Variants in CSMD1 observed in about 807,000 individuals in gnomAD.
The protein encoded by CSMD1 is CUB and sushi domain-containing protein 1.
In CSMD1, 213 loss-of-function variants were observed where a neutral mutation model predicts 417.5. The observed-to-expected ratio is 0.51, with a 90% confidence interval of 0.46 to 0.57. The LOEUF (loss-of-function observed/expected upper bound fraction) is 0.57. CSMD1 is among the 20% of genes least tolerant of loss of function. The pLI is 0.00. For missense variants in CSMD1, 6,923 were observed against 4,529.7 expected (o/e 1.53, Z -15.17); for synonymous variants, 2,862 against 1,736.8 (o/e 1.65, Z -16.11).
chr8:4,080,430 C>T (rs189727950), intron 3 of CSMD1, among the ~76,000 whole-genome samples: 30 of 152,302 alleles, frequency 2.0e-4, no homozygotes, highest in African/African-American at 6.5e-4. Context: ...CATGCCATTA[C>T]ATACATTATC....
At chr8:4,898,518 A>G (rs1804653620) in intron 1 of CSMD1, among the ~76,000 whole-genome samples, 1 of 152,216 alleles carries the variant, frequency 6.6e-6, no homozygotes, top group Non-Finnish European at 1.5e-5. Context: ...CAGAAGGACA[A>G]TAAAACAGGT....
intron 3 of CSMD1, among the ~76,000 whole-genome samples, chr8:4,232,656 T>A (rs1653695919): frequency 6.6e-6 from 1 of 152,116 alleles, no homozygotes; most frequent in Admixed American, 6.6e-5. Context: ...AAATCTTACT[T>A]TCTTAACTAA....
chr8:4,261,301 C>T (rs1051627894), intron 3 of CSMD1, among the ~76,000 whole-genome samples: 1 of 152,020 alleles, frequency 6.6e-6, no homozygotes, highest in African/African-American at 2.4e-5. Context: ...GTGAAATAAC[C>T]CAGGCATAGA....
chr8:3,681,966 G>A (rs978087072), intron 7 of CSMD1, among the ~76,000 whole-genome samples: 6 of 152,164 alleles, frequency 3.9e-5, no homozygotes, highest in African/African-American at 1.2e-4. Flanking sequence ...AACAAATGGT[G>A]CTGGGAAAAC....
chr8:4,446,461 T>C (rs890505312), intron 2 of CSMD1, among the ~76,000 whole-genome samples: 3 of 151,942 alleles, frequency 2.0e-5, no homozygotes, highest in African/African-American at 7.3e-5. Flanking sequence ...GGTGGGACGA[T>C]CACCGAACTT....
At chr8:4,454,172 T>C (rs561037952) in intron 2 of CSMD1, among the ~76,000 whole-genome samples, 2 of 152,136 alleles carry the variant, frequency 1.3e-5, no homozygotes, top group South Asian at 2.1e-4. Flanking sequence ...CAGCCTATTA[T>C]CAGTTCCTAC....
chr8:3,433,789 C>G (rs908014711), intron 12 of CSMD1, among the ~76,000 whole-genome samples: 31 of 152,346 alleles, frequency 2.0e-4, no homozygotes, highest in Non-Finnish European at 4.6e-4. Context: ...AGAGCAGATT[C>G]ACCAGTGCAC....
At chr8:4,026,070 T>C (rs1373185864) in intron 4 of CSMD1, among the ~76,000 whole-genome samples, 1 of 152,102 alleles carries the variant, frequency 6.6e-6, no homozygotes, top group African/African-American at 2.4e-5. Flanking sequence ...AATAGAACTT[T>C]GGGGAAGCAG....
intron 7 of CSMD1, among the ~76,000 whole-genome samples, chr8:3,696,189 T>A (rs1007552556): frequency 9.2e-5 from 14 of 152,224 alleles, no homozygotes; most frequent in Non-Finnish European, 1.6e-4. Context: ...GTTGATGTTA[T>A]TCCATATGCC....
chr8:3,355,498 A>G (rs1270381793), intron 21 of CSMD1, among the ~76,000 whole-genome samples: 2 of 152,194 alleles, frequency 1.3e-5, no homozygotes, highest in African/African-American at 2.4e-5. Context: ...CCTGGCCACA[A>G]TGACTGCTCA....
At chr8:4,741,222 A>T (rs1462319644) in intron 1 of CSMD1, among the ~76,000 whole-genome samples, 1 of 152,192 alleles carries the variant, frequency 6.6e-6, no homozygotes, top group Non-Finnish European at 1.5e-5. Flanking sequence ...CCACACGTGC[A>T]GTTCACTTAA....
chr8:3,296,473 A>C (rs1023913958), intron 25 of CSMD1, among the ~76,000 whole-genome samples: 1 of 152,012 alleles, frequency 6.6e-6, no homozygotes, highest in African/African-American at 2.4e-5. Flanking sequence ...AGGATGATAC[A>C]CCGATGCGGG....
At chr8:4,197,696 T>A (rs4875306) in intron 3 of CSMD1, among the ~76,000 whole-genome samples, 8 of 151,938 alleles carry the variant, frequency 5.3e-5, no homozygotes, top group African/African-American at 1.9e-4. Context: ...TTGGCCAACA[T>A]AGTGAAGCTC....
intron 41 of CSMD1, among the ~76,000 whole-genome samples, chr8:3,126,862 C>T (rs11776901): frequency 0.05 from 7,649 of 152,200 alleles, 561 homozygotes; most frequent in African/African-American, 0.17. Context: ...GCACATGAAA[C>T]GTGCTCCCTG....
At chr8:4,152,604 C>T (rs554254662) in intron 3 of CSMD1, among the ~76,000 whole-genome samples, 1 of 151,780 alleles carries the variant, frequency 6.6e-6, no homozygotes, top group Non-Finnish European at 1.5e-5. Context: ...GTGGGAAGAT[C>T]GTTTGAGCCT....
intron 11 of CSMD1, among the ~76,000 whole-genome samples, chr8:3,480,719 A>G (rs1007691750): frequency 3.9e-5 from 6 of 152,220 alleles, no homozygotes; most frequent in Admixed American, 2.0e-4. Context: ...AACTACTTCA[A>G]TGACAATGAT....
At chr8:3,234,191 A>C (rs1474347033) in intron 26 of CSMD1, among the ~76,000 whole-genome samples, 1 of 152,190 alleles carries the variant, frequency 6.6e-6, no homozygotes, top group Non-Finnish European at 1.5e-5. Flanking sequence ...TCCTAGCTTC[A>C]CAATCTCTCT....
intron 3 of CSMD1, among the ~76,000 whole-genome samples, chr8:4,342,114 A>T (rs1317492081): frequency 6.6e-6 from 1 of 152,004 alleles, no homozygotes; most frequent in Non-Finnish European, 1.5e-5. Context: ...TGGTAACTCC[A>T]CAATCTCTAA....
At chr8:3,268,287 C>CTTTTTTTTTTTTT (rs1172040830) in intron 26 of CSMD1, among the ~76,000 whole-genome samples, 3 of 114,664 alleles carry the variant, frequency 2.6e-5, no homozygotes, top group African/African-American at 3.5e-5. Context: ...GGTTCATTTC[C>CTTTTTTTTTTTTT]TATTTTTTTT....
Sources: allele counts gnomAD v4.1 joint callset (sites outside exome capture counted in the v4.1 genomes callset), GRCh38; gene constraint gnomAD v4.1.1; transcripts MANE v1.5; gene names NCBI Gene and HGNC (gene_info 2026-07-23, HGNC 2026-07-21).